The following ACAN variants were observed in gnomAD, a reference collection of about 807,000 sequenced individuals.
ACAN encodes the protein aggrecan.
A neutral mutation model predicts 169.1 loss-of-function variants in ACAN; 47 were observed. The observed-to-expected ratio is 0.28, with a 90% CI of 0.22 to 0.35. The LOEUF (loss-of-function observed/expected upper bound fraction) is 0.35, where lower values mean the gene tolerates loss of function less well. Ranked by LOEUF, ACAN falls within the 10% of genes least tolerant of loss-of-function variation. The pLI, the probability that ACAN is intolerant of heterozygous loss-of-function variation, is 1.00. For missense variants in ACAN, 2,716 were observed against 2,759.9 expected (o/e 0.98, Z 0.36); for synonymous variants, 1,115 against 1,112.2 (o/e 1.00, Z -0.05).
At chr15:88,810,610 C>T (rs1389407750) in intron 1 of ACAN, among the ~76,000 whole-genome samples, 1 of 152,056 alleles carries the variant, frequency 6.6e-6, no homozygotes, top group Non-Finnish European at 1.5e-5. Flanking sequence ...AGCCTGGATT[C>T]TAGGATGACT....
intron 1 of ACAN, among the ~76,000 whole-genome samples, chr15:88,805,828 C>G (rs900583316): frequency 6.6e-6 from 1 of 152,146 alleles, no homozygotes; most frequent in Non-Finnish European, 1.5e-5. Flanking sequence ...TTCGGAAGCC[C>G]TCCACACACC....
intron 2 of ACAN, 91 bp downstream of exon 2, chr15:88,836,367 A>G: frequency 4.3e-6 from 5 of 1,155,372 alleles, no homozygotes; most frequent in South Asian, 1.3e-5. Flanking sequence ...TACTGGTCCC[A>G]GGGATATAAT....
intron 2 of ACAN, among the ~76,000 whole-genome samples, chr15:88,837,919 CTT>C (rs545798859): frequency 1.5e-5 from 1 of 66,834 alleles, no homozygotes; most frequent in African/African-American, 5.1e-5. Flanking sequence ...TGTTTTTTTT[CTT>C]TTTTTTTTTT....
At chr15:88,841,625 G>C in intron 4 of ACAN, 115 bp from the exon 5 acceptor site, 1 of 1,352,850 alleles carries the variant, frequency 7.4e-7, no homozygotes, top group South Asian at 1.3e-5. Context: ...AAGAGACATT[G>C]TCAAATGCAA....
At chr15:88,842,792 C>T (rs1456679585) in intron 5 of ACAN, among the ~76,000 whole-genome samples, 1 of 152,172 alleles carries the variant, frequency 6.6e-6, no homozygotes, top group Non-Finnish European at 1.5e-5. Context: ...CCGTCCGCCC[C>T]CACCCTTACC....
chr15:88,864,669 G>A (rs775239405), intron 13 of ACAN, among the ~76,000 whole-genome samples: 2 of 152,182 alleles, frequency 1.3e-5, no homozygotes, highest in African/African-American at 2.4e-5. Flanking sequence ...GAAAGTTAGT[G>A]TATCTACTCA....
rs1486895952 is a variant in ACAN, at chr15:88,866,330, C to T, written c.6947-1886C>T. Among the ~76,000 whole-genome samples the T allele has an allele frequency of 1.3e-5, 2 of 152,124 alleles. No individual in the cohort carries two copies. The highest frequency in any genetic ancestry group is 2.9e-5 in the Non-Finnish European group (2 of 68,032). ...TTAGCACCTACATTTGCTTAATTCC[C>T]CTTGCCCAGTGCTTCCCATCTCCCA... is the stretch of plus-strand genomic sequence containing the variant. On this transcript the variant is annotated intron_variant, in intron 13 of 18. Coordinates refer to ENST00000560601, the MANE Select transcript of ACAN (RefSeq NM_001369268.1). The surrounding 1 kb of genome is among the most constrained non-coding windows in gnomAD (Gnocchi z 5.6).
intron 12 of ACAN, 44 bp downstream of exon 12, chr15:88,859,461 G>C: frequency 6.4e-7 from 1 of 1,551,236 alleles, no homozygotes; most frequent in Non-Finnish European, 8.7e-7. Context: ...AGGTAGTTCA[G>C]ACTGTAGCCT....
rs923857127 is a variant in ACAN at position 88,869,570 on chromosome 15, C to T, written c.7060+1241C>T. 2.9e-4 allele frequency among the ~76,000 whole-genome samples: 44 copies of T among 152,198 alleles called. No homozygotes were observed. The highest frequency in any genetic ancestry group is 1.1e-3 in the African/African-American group (44 of 41,456). On this transcript the variant is annotated intron_variant, in intron 14 of 18. Coordinates refer to ENST00000560601, the MANE Select transcript of ACAN (RefSeq NM_001369268.1). The surrounding 1 kb of genome is among the most constrained non-coding windows in gnomAD (Gnocchi z 4.2). ...CAAGGATTTTCTCCCCATGATACCACAACATTTGCCACAGGGTAGAAGAGT... is the reference window on the plus strand; with the variant it reads ...CAAGGATTTTCTCCCCATGATACCATAACATTTGCCACAGGGTAGAAGAGT...
chr15:88,825,873 G>T (rs11854545), intron 1 of ACAN, among the ~76,000 whole-genome samples: 1 of 152,140 alleles, frequency 6.6e-6, no homozygotes, highest in Non-Finnish European at 1.5e-5. Flanking sequence ...GGCAAACCAA[G>T]GCCAGCTCTG....
Position 88,874,113 on chromosome 15 carries a change from A to G in ACAN, c.7630+89A>G. 6.6e-7 allele frequency: 1 copy of G among 1,508,310 alleles called. No homozygotes were observed. The highest frequency in any genetic ancestry group is 9.0e-7 in the Non-Finnish European group (1 of 1,112,826). The allele number at this position is 1,508,310 out of a possible 1,614,324, so 93.4% of individuals were successfully genotyped here. On this transcript the variant is annotated intron_variant, in intron 18 of 18. Coordinates refer to ENST00000560601, the MANE Select transcript of ACAN (RefSeq NM_001369268.1). This position sits in a 1 kb window ranked among gnomAD's most constrained non-coding sequence, Gnocchi z 7.3. The stretch of plus-strand genomic sequence containing the variant: ...CCGTCCCCTCTCCTGGGGACCCTAC[A>G]CCGTCCACAGGGTTGAGCAAGGGAA...
rs550550807 is a variant in ACAN at position 88,840,157 on chromosome 15, C to T, written c.600C>T (p.Asp200=). Residue 200 remains aspartate, a synonymous_variant, in exon 4 of 19, where the codon GAC becomes GAT. Transcript: ENST00000560601. ...AAYEDGFHQC[D]AGWLADQTVR... is the part of the protein sequence containing the mutation. ...ACGAAGACGGCTTCCACCAGTGTGA[C>T]GCCGGCTGGCTGGCTGACCAGACTG... is the stretch of plus-strand genomic sequence containing the variant. 153 of 1,603,692 alleles carry T rather than the reference C, an allele frequency of 9.5e-5. No individual in the cohort carries two copies. The highest frequency in any genetic ancestry group is 1.7e-4 in the Middle Eastern group (1 of 5,962).
chr15:88,855,574 T>G lies in ACAN; in HGVS notation c.2989T>G (p.Ser997Ala), dbSNP rs546999192. 6.3e-5 allele frequency: 40 copies of G among 631,624 alleles called. No individual in the cohort carries two copies. Among genetic ancestry groups the G allele is most frequent in the Non-Finnish European group, 1.1e-4 (39 of 355,644 alleles). The allele number at this position is 631,624 out of a possible 1,614,324, so 39.1% of individuals were successfully genotyped here. The change falls in exon 12 of 19, where the codon TCT becomes GCT. Residue 997 changes from serine to alanine, a missense_variant. Transcript: ENST00000560601. Reference protein sequence around the residue: ...PGVEDISGLPSGEVLETTAPG... With the variant: ...PGVEDISGLPAGEVLETTAPG... ...AGTAGAGGACATCAGCGGGCTTCCT[T>G]CTGGAGAAGTTCTAGAGACCACTGC... is the stretch of plus-strand genomic sequence containing the variant.
chr15:88,859,156 G>T lies in ACAN; in HGVS notation c.6571G>T (p.Ala2191Ser), dbSNP rs377558109. The change falls in exon 12 of 19, where the codon GCT (alanine) becomes TCT (serine). Residue 2191 changes from alanine to serine, a missense_variant. Coordinates refer to ENST00000560601, the MANE Select transcript of ACAN (RefSeq NM_001369268.1). ...APGLPSATPT[A>S]SGDRTEISGD... is the part of the protein sequence containing the mutation. ...AGGCTTGCCTTCAGCCACTCCCACGGCTTCTGGAGACAGGACTGAAATCAG... is the reference window on the plus strand; with the variant it reads ...AGGCTTGCCTTCAGCCACTCCCACGTCTTCTGGAGACAGGACTGAAATCAG... The T allele has an allele frequency of 1.6e-4, 256 of 1,613,708 alleles. No individual in the cohort carries two copies. The highest frequency in any genetic ancestry group is 2.1e-4 in the Non-Finnish European group (246 of 1,179,912).
rs745431391 is a variant in ACAN at position 88,849,834 on chromosome 15, A to T, written c.2026+103A>T. On this transcript the variant is annotated intron_variant, in intron 10 of 18. Coordinates refer to ENST00000560601, the MANE Select transcript of ACAN (RefSeq NM_001369268.1). This position sits in a 1 kb window ranked among gnomAD's most constrained non-coding sequence, Gnocchi z 5.1. Reference sequence around the variant, plus strand: ...ACCCAGTATCCCATCCATCAGAGCAAGAAAATGTCAGTCCCTCTGGGGCAG... The same window carrying T: ...ACCCAGTATCCCATCCATCAGAGCATGAAAATGTCAGTCCCTCTGGGGCAG... 2 of 1,465,608 alleles carry T rather than the reference A, an allele frequency of 1.4e-6. No homozygotes were observed. The highest frequency in any genetic ancestry group is 1.9e-6 in the Non-Finnish European group (2 of 1,071,662). The allele number at this position is 1,465,608 out of a possible 1,614,324, so 90.8% of individuals were successfully genotyped here.
intron 1 of ACAN, among the ~76,000 whole-genome samples, chr15:88,808,598 A>T (rs1218886530): frequency 6.6e-6 from 1 of 152,060 alleles, no homozygotes; most frequent in African/African-American, 2.4e-5. Flanking sequence ...ATGTCTGGAG[A>T]CATTTTTTGT....
intron 13 of ACAN, among the ~76,000 whole-genome samples, chr15:88,864,966 A>G (rs916574196): frequency 2.6e-5 from 4 of 152,108 alleles, no homozygotes; most frequent in Non-Finnish European, 5.9e-5. Context: ...ACTCTCACTC[A>G]CTTGGAGGTC....
intron 4 of ACAN, among the ~76,000 whole-genome samples, chr15:88,841,111 C>G (rs937886035): frequency 3.9e-5 from 6 of 152,234 alleles, no homozygotes; most frequent in African/African-American, 1.4e-4. Flanking sequence ...CGCCACTGCA[C>G]TCCAGCCTAG....
chr15:88,858,168 A>G lies in ACAN; in HGVS notation c.5583A>G (p.Gly1861=). 1 of 1,613,894 alleles carries G rather than the reference A, an allele frequency of 6.2e-7. No homozygotes were observed. The change falls in exon 12 of 19, where the codon GGA becomes GGG. Residue 1861 remains glycine (G), a synonymous_variant. Coordinates refer to ENST00000560601, the MANE Select transcript of ACAN (RefSeq NM_001369268.1). This position sits in a 1 kb window ranked among gnomAD's most constrained non-coding sequence, Gnocchi z 4.0. The part of the protein sequence containing the change: ...GSVELSGLPS[G]EADLSGKSGM... ...TGGAACTCAGTGGCCTCCCTTCCGGAGAGGCAGATCTGTCAGGCAAATCTG... is the reference window on the plus strand; with the variant it reads ...TGGAACTCAGTGGCCTCCCTTCCGGGGAGGCAGATCTGTCAGGCAAATCTG...
Sources: allele counts gnomAD v4.1 joint callset (sites outside exome capture counted in the v4.1 genomes callset), GRCh38; gene constraint gnomAD v4.1.1; non-coding constraint Gnocchi (gnomAD v3.1); transcripts MANE v1.5; gene names NCBI Gene and HGNC (gene_info 2026-07-23, HGNC 2026-07-21).